Variants in MSH4 observed in about 807,000 individuals in gnomAD.
The protein encoded by MSH4 is mutS protein homolog 4.
Under a neutral mutation model 113.7 loss-of-function variants are expected in MSH4, and 106 were observed. The ratio of observed to expected loss-of-function variants is 0.93; its 90% CI spans 0.80 to 1.10. MSH4 has a LOEUF of 1.10. Ranked by LOEUF, MSH4 falls within the 50% of genes least tolerant of loss-of-function variation. MSH4 has a pLI of 0.00. For synonymous variants in MSH4, 368 were observed against 380.2 expected, an observed-to-expected ratio of 0.97 and a Z score of 0.37; for missense variants, 1,061 against 1,093.7, an observed-to-expected ratio of 0.97 and a Z score of 0.42.
intron 13 of MSH4, 119 bp downstream of exon 13, chr1:75,880,272 G>C (rs1440311352): frequency 1.9e-5 from 11 of 588,652 alleles, no homozygotes; most frequent in African/African-American, 3.9e-5. Flanking sequence ...ATGCATGTTA[G>C]CAAAGGAAGT....
chr1:75,847,754 T>C (rs1485233830), intron 7 of MSH4, among the ~76,000 whole-genome samples: 1 of 152,216 alleles, frequency 6.6e-6, no homozygotes, highest in Non-Finnish European at 1.5e-5. Flanking sequence ...TGTTCTTGTG[T>C]GGGAACTAGT....
intron 7 of MSH4, 29 bp downstream of exon 7, chr1:75,822,610 T>C (rs1205005192): frequency 1.7e-6 from 2 of 1,166,592 alleles, no homozygotes; most frequent in Non-Finnish European, 2.3e-6. Flanking sequence ...ATATTATAAA[T>C]ACAAATTATT....
At chr1:75,870,106 C>T (rs1220362962) in intron 9 of MSH4, among the ~76,000 whole-genome samples, 4 of 152,178 alleles carry the variant, frequency 2.6e-5, no homozygotes, top group South Asian at 2.1e-4. Flanking sequence ...GACATGGAGT[C>T]GAAGGAGATC....
intron 8 of MSH4, among the ~76,000 whole-genome samples, chr1:75,857,697 A>C (rs1433405280): frequency 6.6e-6 from 1 of 152,122 alleles, no homozygotes; most frequent in Non-Finnish European, 1.5e-5. Context: ...GTAGCCTTGT[A>C]GTACAGCTTG....
Position 75,816,462 on chromosome 1 carries a change from G to A in MSH4, c.905G>A (p.Cys302Tyr), listed in dbSNP as rs750213260. ...SVYAPKSLKI[C>Y]FQGSEQTAMI... ...TATGCACCAAAATCACTGAAGATTT[G>A]TTTCCAGGGTAGTGAACAGACAGCC... The change falls in exon 6 of 20, where the codon TGT becomes TAT. Residue 302 changes from cysteine to tyrosine, a missense_variant. Coordinates refer to ENST00000263187, the MANE Select transcript of MSH4 (RefSeq NM_002440.4). 3.1e-6 allele frequency: 5 copies of A among 1,610,914 alleles called. No homozygotes were observed. Among genetic ancestry groups the A allele is most frequent in the Admixed American group, 1.7e-5 (1 of 59,858 alleles).
intron 7 of MSH4, among the ~76,000 whole-genome samples, chr1:75,842,198 T>A (rs1650973201): frequency 2.0e-5 from 3 of 152,192 alleles, no homozygotes; most frequent in Admixed American, 2.0e-4. Context: ...GTTGAGTTTA[T>A]CTGAAGACCT....
intron 9 of MSH4, among the ~76,000 whole-genome samples, chr1:75,874,790 T>C (rs998212523): frequency 1.3e-5 from 2 of 152,150 alleles, no homozygotes; most frequent in Non-Finnish European, 2.9e-5. Flanking sequence ...TAGGATTCCA[T>C]ATGTCAAGTG....
chr1:75,865,318 A>T (rs1009150699), intron 8 of MSH4, among the ~76,000 whole-genome samples: 1 of 152,020 alleles, frequency 6.6e-6, no homozygotes, highest in African/African-American at 2.4e-5. Context: ...TTCCCTTCAT[A>T]GTTAGTGTTT....
intron 2 of MSH4, among the ~76,000 whole-genome samples, chr1:75,805,388 T>G (rs1370239664): frequency 4.0e-5 from 6 of 151,208 alleles, no homozygotes; most frequent in Non-Finnish European, 7.4e-5. Context: ...TTTTTGTTTT[T>G]TTTTTTTTTT....
intron 3 of MSH4, 122 bp from the exon 4 acceptor site, chr1:75,810,575 A>G (rs1392731274): frequency 2.2e-6 from 1 of 456,194 alleles, no homozygotes; most frequent in African/African-American, 2.1e-5. Context: ...ATTGAAATAT[A>G]TCATTAGGAC....
chr1:75,894,474 G>A (rs1386622216), intron 17 of MSH4, among the ~76,000 whole-genome samples: 2 of 152,138 alleles, frequency 1.3e-5, no homozygotes, highest in Admixed American at 6.5e-5. Context: ...CCAGTCTGTC[G>A]GCAGCAGAGA....
intron 7 of MSH4, among the ~76,000 whole-genome samples, chr1:75,842,904 T>G (rs1650993525): frequency 1.3e-5 from 2 of 152,174 alleles, no homozygotes; most frequent in African/African-American, 4.8e-5. Flanking sequence ...TCCACAGTTA[T>G]CCGGAGGCCT....
At chr1:75,850,262 CT>C (rs1331853476) in intron 8 of MSH4, among the ~76,000 whole-genome samples, 1 of 151,972 alleles carries the variant, frequency 6.6e-6, no homozygotes, top group South Asian at 2.1e-4. Context: ...GATTTGAGAA[CT>C]TTTTTCCTTC....
At chr1:75,874,999 C>T (rs1003079858) in intron 9 of MSH4, among the ~76,000 whole-genome samples, 1 of 152,038 alleles carries the variant, frequency 6.6e-6, no homozygotes, top group Admixed American at 6.6e-5. Flanking sequence ...CTCAAGCCAT[C>T]CTCCCACCTC....
chr1:75,811,737 A>C (rs1416178764), intron 4 of MSH4, among the ~76,000 whole-genome samples: 1 of 152,228 alleles, frequency 6.6e-6, no homozygotes, highest in African/African-American at 2.4e-5. Context: ...TTAGGAATGC[A>C]AATTATTTTC....
At chr1:75,842,804 C>T (rs901856586) in intron 7 of MSH4, among the ~76,000 whole-genome samples, 8 of 152,038 alleles carry the variant, frequency 5.3e-5, no homozygotes, top group African/African-American at 1.7e-4. Context: ...CTTAGCAGAC[C>T]GGGAAAGGGA....
rs753384115 is a variant in MSH4, at chr1:75,890,760, G to A, written c.2291G>A (p.Gly764Asp). Reference sequence around the variant, plus strand: ...ATATTAATTGATGAACTTGGCAGAGGTACTAATACGGAAGAAGGTATTGGC... The same window carrying A: ...ATATTAATTGATGAACTTGGCAGAGATACTAATACGGAAGAAGGTATTGGC... ...SLILIDELGR[G>D]TNTEEGIGIC... The change falls in exon 17 of 20, where the codon GGT (glycine) becomes GAT (aspartate). Residue 764 changes from glycine to aspartate, a missense_variant. Coordinates refer to ENST00000263187, the MANE Select transcript of MSH4 (RefSeq NM_002440.4). 14 of 1,610,588 alleles carry A rather than the reference G, an allele frequency of 8.7e-6. No homozygotes were observed. Among genetic ancestry groups the A allele is most frequent in the South Asian group, 1.1e-5 (1 of 90,550 alleles).
chr1:75,883,613 T>G lies in MSH4; in HGVS notation c.1907-8T>G. ...ATCTTTAAAAACCATTCTATTTTTT[T>G]TCTTAAGTTCGACCAGAATTTACTG... On this transcript the variant is annotated splice_polypyrimidine_tract_variant and splice_region_variant and intron_variant, in intron 14 of 19. Coordinates refer to ENST00000263187, the MANE Select transcript of MSH4 (RefSeq NM_002440.4). The G allele has an allele frequency of 1.2e-6, 2 of 1,602,062 alleles. No homozygotes were observed. The highest frequency in any genetic ancestry group is 2.3e-5 in the South Asian group (2 of 88,846).
intron 9 of MSH4, among the ~76,000 whole-genome samples, chr1:75,872,867 G>A (rs1167134298): frequency 6.6e-6 from 1 of 152,234 alleles, no homozygotes; most frequent in Non-Finnish European, 1.5e-5. Context: ...CATTGCTGAT[G>A]AAAATCTGAT....
Sources: allele counts gnomAD v4.1 joint callset (sites outside exome capture counted in the v4.1 genomes callset), GRCh38; gene constraint gnomAD v4.1.1; transcripts MANE v1.5; gene names NCBI Gene and HGNC (gene_info 2026-07-23, HGNC 2026-07-21).